Variants in CIT observed in about 807,000 individuals in gnomAD.
The protein encoded by CIT is citron Rho-interacting kinase.
CIT carries 79 observed loss-of-function variants against 272.7 expected under a neutral mutation model. That is an observed-to-expected ratio of 0.29 (90% CI 0.24 to 0.35). The LOEUF is 0.35. Ranked by LOEUF, CIT falls within the 10% of genes least tolerant of loss-of-function variation. CIT has a pLI of 1.00. For synonymous variants in CIT, 948 were observed against 995.6 expected (o/e 0.95, Z 0.90); for missense variants, 1,909 against 2,618.3 (o/e 0.73, Z 5.91).
intron 5 of CIT, among the ~76,000 whole-genome samples, chr12:119,847,233 C>T (rs1280975015): frequency 6.6e-6 from 1 of 152,208 alleles, no homozygotes; most frequent in Non-Finnish European, 1.5e-5. Context: ...ATCTGCCCAC[C>T]TCGGCCTCCC....
intron 5 of CIT, among the ~76,000 whole-genome samples, chr12:119,847,870 A>G (rs901380450): frequency 2.0e-5 from 3 of 152,164 alleles, no homozygotes; most frequent in African/African-American, 7.2e-5. Context: ...CAGCCTGGGT[A>G]ACACTAGCCT....
At chr12:119,868,914 T>C in intron 3 of CIT, 146 bp downstream of exon 3, 1 of 903,082 alleles carries the variant, frequency 1.1e-6, no homozygotes, top group Non-Finnish European at 1.7e-6. Flanking sequence ...CTATAAGAGG[T>C]GCAGCCTGAA....
In CIT at chr12:119,698,042, G is replaced by C; in HGVS notation, c.5636C>G (p.Pro1879Arg). The stretch of plus-strand genomic sequence containing the variant: ...GTTGAAGTGGGTCACAAACAGATAG[G>C]GTTCTCTGTAGGCTGTGTGATCACC... ...RLPLAFAYRE[P>R]YLFVTHFNSL... is the part of the protein sequence containing the mutation. Residue 1879 changes from proline to arginine, a missense_variant, in exon 45 of 48, where the codon CCC becomes CGC. Coordinates refer to ENST00000392521, the MANE Select transcript of CIT (RefSeq NM_001206999.2). The C allele has an allele frequency of 6.2e-7, 1 of 1,614,080 alleles. No individual in the cohort carries two copies. The highest frequency in any genetic ancestry group is 8.5e-7 in the Non-Finnish European group (1 of 1,179,954).
intron 10 of CIT, among the ~76,000 whole-genome samples, chr12:119,790,813 C>A (rs1288429652): frequency 6.6e-6 from 1 of 152,076 alleles, no homozygotes; most frequent in African/African-American, 2.4e-5. Context: ...ATTATCCAGC[C>A]CAAAATGTCA....
Position 119,716,378 on chromosome 12 carries a change from CAAAAAAAAAAAAAAA to C in CIT, c.4168+1852_4168+1866del, listed in dbSNP as rs35690078. On this transcript the variant is annotated intron_variant, in intron 32 of 47. Coordinates refer to ENST00000392521, the MANE Select transcript of CIT (RefSeq NM_001206999.2). ...TGGGCGACAGAGCGAGACTCTGTCT[CAAAAAAAAAAAAAAA>C]AAAAAAAAAAAAAAAAAAAAAGTAA... 3.5e-3 allele frequency among the ~76,000 whole-genome samples: 62 copies of C among 17,792 alleles called. 1 individual carries two copies. In the East Asian group the frequency reaches 0.044, roughly 13 times the overall value. 11.7% of individuals were successfully genotyped at this position (17,792 alleles called of 152,430 possible).
At position 119,687,551 on chromosome 12, in the gene CIT, A is replaced by C. The variant is rs1800043918; in HGVS notation, c.*681T>G. Reference sequence around the variant, plus strand: ...CAGCTGGTGGGAGGGGAAGTCGTCAAGGCCATAAAAGGCAATGAAAACAGT... The same window carrying C: ...CAGCTGGTGGGAGGGGAAGTCGTCACGGCCATAAAAGGCAATGAAAACAGT... On this transcript the variant is annotated 3_prime_UTR_variant, in exon 48 of 48. Coordinates refer to ENST00000392521, the MANE Select transcript of CIT (RefSeq NM_001206999.2). 6.6e-6 allele frequency: 1 copy of C among 152,622 alleles called. No individual in the cohort carries two copies. The highest frequency in any genetic ancestry group is 2.4e-5 in the African/African-American group (1 of 41,438). 9.5% of individuals were successfully genotyped at this position (152,622 alleles called of 1,614,324 possible). A position where few individuals can be genotyped will look rare whatever the true frequency, so the allele number is the denominator to read the frequency against.
At chr12:119,865,906 A>G (rs1052372082) in intron 3 of CIT, among the ~76,000 whole-genome samples, 2 of 151,472 alleles carry the variant, frequency 1.3e-5, no homozygotes, top group Non-Finnish European at 1.5e-5. Flanking sequence ...TTCCTATTTT[A>G]CAGATGAGAA....
chr12:119,764,919 G>A (rs1300751427), intron 19 of CIT, among the ~76,000 whole-genome samples: 1 of 151,914 alleles, frequency 6.6e-6, no homozygotes, highest in Non-Finnish European at 1.5e-5. Context: ...AGATTCTCGT[G>A]TCTCAGCCTC....
In CIT at chr12:119,828,207, G is replaced by C. The variant is rs371156072; in HGVS notation, c.754-2839C>G. On this transcript the variant is annotated intron_variant, in intron 7 of 47. Coordinates refer to ENST00000392521, the MANE Select transcript of CIT (RefSeq NM_001206999.2). The stretch of plus-strand genomic sequence containing the variant: ...TTCTAAATTTTATTAATTTGTACTA[G>C]AAAGCTATGAAGGGAAAAATACCCA... Among the ~76,000 whole-genome samples, 11 of 152,098 alleles carry C rather than the reference G, an allele frequency of 7.2e-5. No individual in the cohort carries two copies. The East Asian group carries it at 1.5e-3, about 21-fold the overall frequency.
At chr12:119,850,296 T>C in intron 4 of CIT, 21 bp from the exon 5 acceptor site, 2 of 1,478,972 alleles carry the variant, frequency 1.4e-6, no homozygotes, top group South Asian at 2.3e-5. Context: ...AAGAAACTGC[T>C]TAGACAATTA....
chr12:119,785,424 C>T (rs1964692408), intron 10 of CIT, among the ~76,000 whole-genome samples: 1 of 152,038 alleles, frequency 6.6e-6, no homozygotes, highest in African/African-American at 2.4e-5. Flanking sequence ...GCTTTGAACA[C>T]GGAGGAAGGG....
rs79897431 is a variant in CIT, at chr12:119,873,947, G to T, written c.96+2126C>A. ...TAACAATAATTACCATTTTTTATAA[G>T]GAGTTTACTAAGAGCCAGGCAAGGT... On this transcript the variant is annotated intron_variant, in intron 2 of 47. Transcript: ENST00000392521. Among the ~76,000 whole-genome samples the T allele has an allele frequency of 4.8e-3, 727 of 152,102 alleles. 5 individuals carry two copies. The highest frequency in any genetic ancestry group is 0.017 in the African/African-American group (688 of 41,486).
intron 4 of CIT, among the ~76,000 whole-genome samples, chr12:119,854,866 G>T (rs546638114): frequency 6.6e-6 from 1 of 152,068 alleles, no homozygotes; most frequent in Non-Finnish European, 1.5e-5. Context: ...AAGAAGAATC[G>T]CTTGAACCTG....
At chr12:119,846,391 GA>G (rs1969805669) in intron 5 of CIT, among the ~76,000 whole-genome samples, 1 of 152,152 alleles carries the variant, frequency 6.6e-6, no homozygotes, top group Admixed American at 6.5e-5. Flanking sequence ...AGTTGCCTGA[GA>G]CTAGACACCA....
chr12:119,847,141 T>C (rs1210613643), intron 5 of CIT, among the ~76,000 whole-genome samples: 1 of 151,024 alleles, frequency 6.6e-6, no homozygotes, highest in East Asian at 2.0e-4. Context: ...CCCGCCACCA[T>C]ACCTGCCTAA....
Position 119,818,661 on chromosome 12 carries a change from T to C in CIT, c.1111+4159A>G, listed in dbSNP as rs546327980. ...AATCAGGATCATGTGGCAAGAATTG[T>C]TTCTTTCAGAGAATAGCAAAAGAAA... On this transcript the variant is annotated intron_variant, in intron 9 of 47. Coordinates refer to ENST00000392521, the MANE Select transcript of CIT (RefSeq NM_001206999.2). Among the ~76,000 whole-genome samples the C allele has an allele frequency of 5.3e-5, 8 of 152,328 alleles. No individual in the cohort carries two copies. The East Asian group carries it at 1.5e-3, about 29-fold the overall frequency.
intron 17 of CIT, among the ~76,000 whole-genome samples, chr12:119,771,969 C>T (rs1963206880): frequency 6.6e-6 from 1 of 152,094 alleles, no homozygotes; most frequent in South Asian, 2.1e-4. Context: ...AGAGACTGAG[C>T]TCATTCTAAA....
rs745971054 is a variant in CIT at position 119,720,524 on chromosome 12, A to G, written c.3794T>C (p.Ile1265Thr). 1.2e-6 allele frequency: 2 copies of G among 1,610,916 alleles called. No individual in the cohort carries two copies. The highest frequency in any genetic ancestry group is 8.5e-7 in the Non-Finnish European group (1 of 1,179,354). Residue 1265 changes from isoleucine to threonine, a missense_variant, in exon 30 of 48, where the codon ATT becomes ACT. Around this residue, in one of 8 missense-constraint regions of CIT, gnomAD observed 14 missense variants for 44.1 expected, o/e 0.32. Coordinates refer to ENST00000392521, the MANE Select transcript of CIT (RefSeq NM_001206999.2). ...EGTISQQTKL[I>T]DFLQAKMDQP... ...GTCCATTTTGGCTTGCAGAAAATCA[A>G]TGAGTTTGGTTTGTTGAGAAATAGT...
rs199836387 is a variant in CIT at position 119,822,859 on chromosome 12, G to C, written c.1072C>G (p.Pro358Ala). The C allele has an allele frequency of 3.9e-5, 63 of 1,614,086 alleles. No individual in the cohort carries two copies. In the Admixed American group the frequency reaches 1.0e-3, roughly 26 times the overall value. ...TTCCAGTCAATTTTAGAGAAGAAAG[G>C]ATGGCAGCAAAGACCTTCAAACTTC... ...RLKFEGLCCH[P>A]FFSKIDWNNI... The change falls in exon 9 of 48, where the codon CCT (proline) becomes GCT (alanine). Residue 358 changes from proline to alanine, a missense_variant. By Grantham distance (27) the Pro-to-Ala change is conservative. This residue lies in a region of CIT where 529 missense variants were observed against 549.6 expected (regional missense o/e 0.96). Transcript: ENST00000392521.
Sources: allele counts gnomAD v4.1 joint callset (sites outside exome capture counted in the v4.1 genomes callset), GRCh38; gene constraint gnomAD v4.1.1; regional missense constraint gnomAD v4.1.1; transcripts MANE v1.5; gene names NCBI Gene and HGNC (gene_info 2026-07-23, HGNC 2026-07-21).